SLC6A11: variants seen among roughly 807,000 people sequenced by gnomAD.
SLC6A11 encodes solute carrier family 6 member 11.
A neutral mutation model predicts 74.8 loss-of-function variants in SLC6A11; 25 were observed. The observed-to-expected ratio is 0.33, with a 90% CI of 0.24 to 0.47. SLC6A11 has a LOEUF of 0.47. SLC6A11 is among the 20% of genes least tolerant of loss of function. The pLI is 1.00. For missense variants in SLC6A11, 574 were observed against 837.0 expected (o/e 0.69, Z 3.88); for synonymous variants, 330 against 330.2 (o/e 1.00, Z 0.01).
intron 13 of SLC6A11, among the ~76,000 whole-genome samples, chr3:10,935,615 A>G (rs910673298): frequency 4.6e-5 from 7 of 152,184 alleles, no homozygotes; most frequent in African/African-American, 1.7e-4. Context: ...ATCTCCTGCC[A>G]TCCTCAGAGC....
At chr3:10,891,629 G>A (rs1254377516) in intron 6 of SLC6A11, among the ~76,000 whole-genome samples, 1 of 152,104 alleles carries the variant, frequency 6.6e-6, no homozygotes, top group African/African-American at 2.4e-5. Flanking sequence ...CAGTATGTAG[G>A]TCCAACTTCT....
intron 6 of SLC6A11, among the ~76,000 whole-genome samples, chr3:10,904,441 G>A (rs1283320322): frequency 6.6e-6 from 1 of 152,192 alleles, no homozygotes; most frequent in Non-Finnish European, 1.5e-5. Context: ...CCAAACCTCT[G>A]AATGTGGACC....
chr3:10,816,544 G>A lies in SLC6A11; in HGVS notation c.256+23G>A. The A allele has an allele frequency of 6.5e-7, 1 of 1,549,556 alleles. No individual in the cohort carries two copies. The highest frequency in any genetic ancestry group is 8.7e-7 in the Non-Finnish European group (1 of 1,147,296). Reference sequence around the variant, plus strand: ...GAGGTGAGGTGATAGTGAGGAGAAGGGGAGGGGGCGCCAACCGCCCGGTGG... The same window carrying A: ...GAGGTGAGGTGATAGTGAGGAGAAGAGGAGGGGGCGCCAACCGCCCGGTGG... On this transcript the variant is annotated intron_variant, in intron 1 of 13. Coordinates refer to ENST00000254488, the MANE Select transcript of SLC6A11 (RefSeq NM_014229.3). The surrounding 1 kb of genome is among the most constrained non-coding windows in gnomAD (Gnocchi z 4.2).
At position 10,934,121 on chromosome 3, in the gene SLC6A11, G is replaced by A. The variant is rs765532595; in HGVS notation, c.1530G>A (p.Ser510=). ...IEDMIGYRPP[S]LIKWCWMIMT... The stretch of plus-strand genomic sequence containing the variant: ...ACATGATTGGCTACCGGCCACCGTC[G>A]CTCATTAAGTGGTGCTGGATGATCA... The change falls in exon 12 of 14, where the codon TCG becomes TCA. Residue 510 remains serine (S), a synonymous_variant. Coordinates refer to ENST00000254488, the MANE Select transcript of SLC6A11 (RefSeq NM_014229.3). 1.4e-5 allele frequency: 22 copies of A among 1,613,732 alleles called. No individual in the cohort carries two copies. Among genetic ancestry groups the A allele is most frequent in the East Asian group, 2.2e-5 (1 of 44,890 alleles).
At chr3:10,857,658 A>G (rs1694654475) in intron 5 of SLC6A11, among the ~76,000 whole-genome samples, 1 of 152,158 alleles carries the variant, frequency 6.6e-6, no homozygotes, top group East Asian at 1.9e-4. Context: ...TAGTACCAAC[A>G]CCCAGGAAAC....
At chr3:10,838,233 G>A (rs2880585) in intron 4 of SLC6A11, among the ~76,000 whole-genome samples, 18,323 of 152,300 alleles carry the variant, frequency 0.12, 1,547 homozygotes, top group South Asian at 0.31. Flanking sequence ...ACCAGCCCTT[G>A]TGCTGGGAGC....
chr3:10,853,136 G>A (rs1694597113), intron 5 of SLC6A11, among the ~76,000 whole-genome samples: 1 of 152,180 alleles, frequency 6.6e-6, no homozygotes, highest in Admixed American at 6.5e-5. Flanking sequence ...AGGCTGGGAT[G>A]ATTGAGTCGG....
At chr3:10,924,017 T>C (rs764815414) in intron 8 of SLC6A11, among the ~76,000 whole-genome samples, 9 of 151,908 alleles carry the variant, frequency 5.9e-5, no homozygotes, top group Non-Finnish European at 1.0e-4. Context: ...TCATCAAAAA[T>C]GTTGAGTTTA....
chr3:10,824,262 G>A (rs1434466268), intron 4 of SLC6A11: 6 of 152,194 alleles, frequency 3.9e-5, no homozygotes, highest in Non-Finnish European at 7.3e-5. Flanking sequence ...GTATTGGAAA[G>A]AAGTTTCCTG....
chr3:10,844,511 G>A (rs896844160), intron 5 of SLC6A11, among the ~76,000 whole-genome samples, 165 bp downstream of exon 5: 1 of 152,096 alleles, frequency 6.6e-6, no homozygotes, highest in Non-Finnish European at 1.5e-5. Flanking sequence ...ACCACTTATT[G>A]GCCGCCCACC....
intron 6 of SLC6A11, among the ~76,000 whole-genome samples, chr3:10,877,997 C>T (rs1486450510): frequency 2.0e-5 from 3 of 152,228 alleles, no homozygotes; most frequent in Non-Finnish European, 2.9e-5. Context: ...TCCAGGCCAC[C>T]ACCATCTCCC....
At chr3:10,912,311 C>T (rs1695398040) in intron 7 of SLC6A11, 118 bp downstream of exon 7, 7 of 716,928 alleles carry the variant, frequency 9.8e-6, no homozygotes, top group Non-Finnish European at 1.7e-5. Context: ...GATAGATAGG[C>T]TGTTTGTTGG....
At chr3:10,936,892 A>G (rs1421875254) in intron 13 of SLC6A11, among the ~76,000 whole-genome samples, 1 of 152,162 alleles carries the variant, frequency 6.6e-6, no homozygotes, top group African/African-American at 2.4e-5. Context: ...AGCCCCCTCC[A>G]TCTCCCTGAG....
At chr3:10,902,170 G>A (rs777156446) in intron 6 of SLC6A11, among the ~76,000 whole-genome samples, 2 of 152,174 alleles carry the variant, frequency 1.3e-5, no homozygotes, top group Non-Finnish European at 2.9e-5. Context: ...AGCCCCAGGA[G>A]GGCCCCAAGC....
intron 5 of SLC6A11, among the ~76,000 whole-genome samples, chr3:10,870,062 A>C (rs1024389103): frequency 6.6e-6 from 1 of 152,140 alleles, no homozygotes. Flanking sequence ...CTAGTTCCAC[A>C]TCTTCCCTGC....
intron 5 of SLC6A11, among the ~76,000 whole-genome samples, chr3:10,860,662 C>T (rs1467914993): frequency 6.6e-6 from 1 of 152,214 alleles, no homozygotes; most frequent in Non-Finnish European, 1.5e-5. Context: ...CAGCAGCTTC[C>T]ATGGCGTGCT....
At chr3:10,933,876 C>A (rs1055257723) in intron 11 of SLC6A11, 190 bp from the exon 12 acceptor site, 1 of 494,690 alleles carries the variant, frequency 2.0e-6, no homozygotes, top group Non-Finnish European at 3.7e-6. Context: ...GGGCCAGCAT[C>A]CCTCCTGCTG....
chr3:10,905,151 G>A (rs1288793785), intron 6 of SLC6A11, among the ~76,000 whole-genome samples: 2 of 152,242 alleles, frequency 1.3e-5, no homozygotes, highest in Non-Finnish European at 2.9e-5. Context: ...GAAAGTAGCT[G>A]TAGGTGAAAT....
At chr3:10,888,775 G>A (rs1695073539) in intron 6 of SLC6A11, among the ~76,000 whole-genome samples, 1 of 152,248 alleles carries the variant, frequency 6.6e-6, no homozygotes, top group Admixed American at 6.5e-5. Context: ...CCAAGTGCCT[G>A]TCTTCAGGTA....
Sources: gnomAD v4.1 joint callset for allele counts (sites outside exome capture counted in the v4.1 genomes callset) on GRCh38, gnomAD v4.1.1 for gene constraint, Gnocchi (gnomAD v3.1) non-coding constraint, MANE v1.5 for transcripts, NCBI Gene and HGNC (gene_info 2026-07-23, HGNC 2026-07-21) for gene names.